Variants in SOCS2 observed in about 807,000 individuals in gnomAD.
SOCS2 encodes the protein suppressor of cytokine signaling 2.
In SOCS2, 10 loss-of-function variants were observed where a neutral mutation model predicts 18.6. The observed-to-expected ratio is 0.54, with a 90% confidence interval of 0.33 to 0.91. The LOEUF (loss-of-function observed/expected upper bound fraction) is 0.91, where lower values mean the gene tolerates loss of function less well. SOCS2 is among the 40% of genes least tolerant of loss of function. The probability of loss-of-function intolerance (pLI) is 0.02; values close to 1 mark genes in which losing one functional copy is unlikely to be tolerated. For synonymous variants in SOCS2, 104 were observed against 104.0 expected, an observed-to-expected ratio of 1.00 and a Z score of 0.00; for missense variants, 231 against 247.2, an observed-to-expected ratio of 0.93 and a Z score of 0.44.
the SOCS2 span, among the ~76,000 whole-genome samples, chr12:93,614,539 C>T: frequency 4.2e-3 from 348 of 82,516 alleles, 13 homozygotes; most frequent in African/African-American, 8.3e-3. Flanking sequence ...TTCCTTCCTT[C>T]CTTCTTTCTT....
At chr12:93,610,429 T>C in the SOCS2 span, among the ~76,000 whole-genome samples, 1 of 152,236 alleles carries the variant, frequency 6.6e-6, no homozygotes, top group Non-Finnish European at 1.5e-5. Context: ...GGGGAGCCTG[T>C]GAGTTTGTAT....
chr12:93,603,288 T>C, the SOCS2 span, among the ~76,000 whole-genome samples: 2 of 152,234 alleles, frequency 1.3e-5, no homozygotes, highest in African/African-American at 4.8e-5. Context: ...GGCCTTGTGC[T>C]ATATGCATTG....
chr12:93,611,432 T>C, the SOCS2 span, among the ~76,000 whole-genome samples: 1 of 152,142 alleles, frequency 6.6e-6, no homozygotes, highest in Middle Eastern at 3.2e-3. Context: ...AGACGGGGTT[T>C]CACCATGTTG....
At chr12:93,608,374 G>C in the SOCS2 span, among the ~76,000 whole-genome samples, 1 of 151,948 alleles carries the variant, frequency 6.6e-6, no homozygotes, top group African/African-American at 2.4e-5. Context: ...TATATAGGAG[G>C]GCACATTTTT....
chr12:93,614,756 A>G, the SOCS2 span, among the ~76,000 whole-genome samples: 2 of 150,458 alleles, frequency 1.3e-5, no homozygotes, highest in Admixed American at 6.7e-5. Context: ...CTGGCATTAC[A>G]GGCGCCTGCC....
downstream of SOCS2, among the ~76,000 whole-genome samples, chr12:93,579,023 CT>C (rs1353191769): frequency 3.3e-5 from 5 of 152,146 alleles, no homozygotes; most frequent in Non-Finnish European, 7.3e-5. Flanking sequence ...TTGATTTTAA[CT>C]CCTTAACATT....
the SOCS2 span, among the ~76,000 whole-genome samples, chr12:93,610,201 A>C: frequency 0.015 from 2,309 of 152,308 alleles, 67 homozygotes; most frequent in African/African-American, 0.053. Context: ...TCGTTCTCAG[A>C]CTTTAGCACA....
chr12:93,596,701 G>A, the SOCS2 span, among the ~76,000 whole-genome samples: 236 of 152,262 alleles, frequency 1.5e-3, no homozygotes, highest in Middle Eastern at 3.4e-3. Flanking sequence ...GTTGGCCTGC[G>A]CCTGTAATCT....
chr12:93,624,752 T>TAG, the SOCS2 span, among the ~76,000 whole-genome samples: 24,015 of 152,034 alleles, frequency 0.16, 2,797 homozygotes, highest in East Asian at 0.35. Flanking sequence ...ACCCATTAAG[T>TAG]TGCTCCCATT....
upstream of SOCS2, chr12:93,571,632 G>A (rs888069598): frequency 1.6e-4 from 35 of 222,960 alleles, no homozygotes; most frequent in East Asian, 5.7e-4. Flanking sequence ...CAGCCCGTAG[G>A]GGGCGTCGCC....
chr12:93,614,127 G>C, the SOCS2 span, among the ~76,000 whole-genome samples: 3 of 151,854 alleles, frequency 2.0e-5, no homozygotes, highest in African/African-American at 7.3e-5. Context: ...GACAGACTTG[G>C]AAGCCACTCG....
chr12:93,587,023 C>A (rs550938818), downstream of SOCS2, among the ~76,000 whole-genome samples: 1 of 152,172 alleles, frequency 6.6e-6, no homozygotes, highest in Non-Finnish European at 1.5e-5. Context: ...CAAAAATTCG[C>A]CAGGTGTGAT....
At chr12:93,621,824 A>G in the SOCS2 span, among the ~76,000 whole-genome samples, 1 of 152,108 alleles carries the variant, frequency 6.6e-6, no homozygotes, top group Non-Finnish European at 1.5e-5. Context: ...CTTTATCTGT[A>G]ACATAGAGGT....
Position 93,575,041 on chromosome 12 carries a change from C to G in SOCS2, c.459C>G (p.Thr153=). 1 of 1,614,010 alleles carries G rather than the reference C, an allele frequency of 6.2e-7. No homozygotes were observed. The highest frequency in any genetic ancestry group is 8.5e-7 in the Non-Finnish European group (1 of 1,179,974). ...ACGGCACTGTTCACCTTTATCTGAC[C>G]AAACCGCTCTACACGTCAGCACCAT... ...PRNGTVHLYL[T]KPLYTSAPSL... is the part of the protein sequence containing the mutation. The change falls in exon 2 of 2, where the codon ACC becomes ACG. Residue 153 remains threonine, a synonymous_variant. Coordinates refer to ENST00000551556, the MANE Select transcript of SOCS2 (RefSeq NM_001270471.2).
downstream of SOCS2, among the ~76,000 whole-genome samples, chr12:93,579,336 G>C (rs1954506893): frequency 6.6e-6 from 1 of 152,176 alleles, no homozygotes; most frequent in Non-Finnish European, 1.5e-5. Context: ...TCCTTGAGTT[G>C]GGTAATTGAA....
At chr12:93,624,749 A>T in the SOCS2 span, among the ~76,000 whole-genome samples, 24,010 of 152,032 alleles carry the variant, frequency 0.16, 2,793 homozygotes, top group East Asian at 0.35. Flanking sequence ...GGAACCCATT[A>T]AGTTGCTCCC....
the SOCS2 span, among the ~76,000 whole-genome samples, chr12:93,594,218 A>G: frequency 6.6e-6 from 1 of 152,222 alleles, no homozygotes; most frequent in Non-Finnish European, 1.5e-5. Context: ...AATTCAGAAG[A>G]CAATGAATTC....
the SOCS2 span, among the ~76,000 whole-genome samples, chr12:93,616,626 T>C: frequency 6.6e-6 from 1 of 152,078 alleles, no homozygotes; most frequent in Non-Finnish European, 1.5e-5. Flanking sequence ...CACTGTCACA[T>C]AACAGAGAGC....
chr12:93,587,617 G>C (rs575560257), downstream of SOCS2, among the ~76,000 whole-genome samples: 1 of 151,490 alleles, frequency 6.6e-6, no homozygotes, highest in African/African-American at 2.4e-5. Context: ...GGAGGCAGAG[G>C]TTGCAGTGAG....
Sources: gnomAD v4.1 joint callset for allele counts (sites outside exome capture counted in the v4.1 genomes callset) on GRCh38, gnomAD v4.1.1 for gene constraint, MANE v1.5 for transcripts, NCBI Gene and HGNC (gene_info 2026-07-23, HGNC 2026-07-21) for gene names.